The following TRIM37 variants were observed in gnomAD, a reference collection of about 807,000 sequenced individuals.
TRIM37 encodes the protein tripartite motif containing 37.
In TRIM37, 80 loss-of-function variants were observed where a neutral mutation model predicts 129.8. The ratio of observed to expected loss-of-function variants is 0.62; its 90% CI spans 0.51 to 0.74. The LOEUF is 0.74. Among genes scored for constraint, TRIM37 ranks in the 30% least tolerant of loss-of-function variants. The pLI is 0.00. For missense variants in TRIM37, 1,054 were observed against 1,176.5 expected (o/e 0.90, Z 1.52); for synonymous variants, 389 against 387.1 (o/e 1.00, Z -0.06).
chr17:58,997,127 G>A (rs147618122), downstream of TRIM37, among the ~76,000 whole-genome samples: 159 of 152,228 alleles, frequency 1.0e-3, no homozygotes, highest in Middle Eastern at 3.4e-3. Flanking sequence ...TAACTGGTGC[G>A]ATCTGAACAA....
chr17:59,054,083 C>T (rs1463540088), intron 13 of TRIM37, among the ~76,000 whole-genome samples: 1 of 152,114 alleles, frequency 6.6e-6, no homozygotes, highest in Non-Finnish European at 1.5e-5. Context: ...CCAGTATGCT[C>T]AAGAACAAAG....
chr17:59,026,481 C>T (rs925301579), intron 19 of TRIM37, among the ~76,000 whole-genome samples: 1 of 152,138 alleles, frequency 6.6e-6, no homozygotes, highest in African/African-American at 2.4e-5. Flanking sequence ...GCAACCCACA[C>T]ACTGGGAGAA....
chr17:59,056,075 T>G (rs2040839894), intron 13 of TRIM37, among the ~76,000 whole-genome samples: 2 of 152,216 alleles, frequency 1.3e-5, no homozygotes, highest in African/African-American at 4.8e-5. Context: ...TAATATGCAC[T>G]GTGAAGTGAA....
chr17:59,001,754 C>T, intron 22 of TRIM37, 40 bp from the exon 23 acceptor site: 1 of 1,611,064 alleles, frequency 6.2e-7, no homozygotes, highest in Non-Finnish European at 8.5e-7. Context: ...GAAAAGAAAC[C>T]ACTGTAAGTA....
At chr17:59,089,864 T>A (rs917783537) in intron 3 of TRIM37, among the ~76,000 whole-genome samples, 2 of 151,264 alleles carry the variant, frequency 1.3e-5, no homozygotes, top group African/African-American at 2.4e-5. Flanking sequence ...CTTCGGGAGG[T>A]CAAGGTGGTA....
intron 24 of TRIM37, among the ~76,000 whole-genome samples, chr17:58,992,322 A>AATATATAT (rs35222079): frequency 7.3e-6 from 1 of 137,792 alleles, no homozygotes; most frequent in Admixed American, 7.6e-5. Context: ...TACATATGTA[A>AATATATAT]ATATATATAT....
intron 23 of TRIM37, among the ~76,000 whole-genome samples, chr17:59,000,918 G>A (rs774499213): frequency 1.3e-5 from 2 of 152,034 alleles, no homozygotes; most frequent in Non-Finnish European, 2.9e-5. Context: ...CTTTGGGCTG[G>A]GCACGGTGGC....
rs79927824 is a variant in TRIM37 at position 59,025,436 on chromosome 17, A to G, written c.2257+2979T>C. ...TGTCATGAATGTTAATTATATTATT[A>G]ATATTCATGGATGAATATTATTAAT... On this transcript the variant is annotated intron_variant, in intron 19 of 23. Transcript: ENST00000262294. 4.7e-4 allele frequency among the ~76,000 whole-genome samples: 71 copies of G among 151,634 alleles called. No homozygotes were observed. In the East Asian group the frequency reaches 0.011, roughly 24 times the overall value.
At chr17:59,067,627 T>C (rs71372871) in intron 9 of TRIM37, among the ~76,000 whole-genome samples, 7 of 152,160 alleles carry the variant, frequency 4.6e-5, no homozygotes, top group African/African-American at 1.4e-4. Context: ...TATACTATTG[T>C]ATCTTTTATT....
chr17:59,040,069 A>AT (rs1958880155), intron 17 of TRIM37, among the ~76,000 whole-genome samples: 1 of 151,730 alleles, frequency 6.6e-6, no homozygotes, highest in Non-Finnish European at 1.5e-5. Flanking sequence ...CATCTGGCTA[A>AT]TTTTTTTGTA....
intron 8 of TRIM37, among the ~76,000 whole-genome samples, chr17:59,075,182 T>C (rs2042698223): frequency 6.6e-6 from 1 of 152,146 alleles, no homozygotes; most frequent in Non-Finnish European, 1.5e-5. Flanking sequence ...TGATTCCTAA[T>C]TTCATAAAAA....
At chr17:58,972,035 G>A in the TRIM37 span, 3 of 1,171,778 alleles carry the variant, frequency 2.6e-6, no homozygotes, top group Non-Finnish European at 3.6e-6. Context: ...TAATAGTATA[G>A]CTCCCAGCTG....
chr17:59,062,641 G>C lies in TRIM37; in HGVS notation c.868C>G (p.Arg290Gly), dbSNP rs757889738. 1 of 1,613,722 alleles carries C rather than the reference G, an allele frequency of 6.2e-7. No homozygotes were observed. Among genetic ancestry groups the C allele is most frequent in the East Asian group, 2.2e-5 (1 of 44,858 alleles). ...CTGTAAACAGGATCTGCTCTCTGAC[G>C]CAAAGTGCTAACGAAAAAGAAAACC... is the stretch of plus-strand genomic sequence containing the variant. ...TFVLENFSTL[R>G]QRADPVYSPP... Residue 290 changes from arginine (R) to glycine (G), a missense_variant, in exon 11 of 24, where the codon CGT (arginine) becomes GGT (glycine). Arg to Gly is a moderately radical substitution (Grantham distance 125, BLOSUM62 -2). This residue lies in a region of TRIM37 where 752 missense variants were observed against 870.8 expected (regional missense o/e 0.86). Coordinates refer to ENST00000262294, the MANE Select transcript of TRIM37 (RefSeq NM_015294.6).
chr17:59,099,645 G>T (rs2045269463), intron 2 of TRIM37, among the ~76,000 whole-genome samples: 1 of 152,060 alleles, frequency 6.6e-6, no homozygotes, highest in Non-Finnish European at 1.5e-5. Context: ...ACTCAACAGA[G>T]AAACGCTAAC....
chr17:59,048,604 T>TC (rs1280353749), intron 15 of TRIM37, among the ~76,000 whole-genome samples: 1 of 152,142 alleles, frequency 6.6e-6, no homozygotes, highest in Non-Finnish European at 1.5e-5. Flanking sequence ...CTTTTTTTTT[T>TC]CTTTTTCTTT....
chr17:58,996,507 C>T (rs149656998), downstream of TRIM37, among the ~76,000 whole-genome samples: 9 of 150,218 alleles, frequency 6.0e-5, no homozygotes, highest in Admixed American at 2.7e-4. Context: ...AGGCCAGCAT[C>T]GCACCTGCAA....
At position 59,028,402 on chromosome 17, in the gene TRIM37, A is replaced by C; in HGVS notation, c.2257+13T>G. 2 of 1,608,564 alleles carry C rather than the reference A, an allele frequency of 1.2e-6. No homozygotes were observed. The highest frequency in any genetic ancestry group is 2.2e-5 in the South Asian group (2 of 91,028). On this transcript the variant is annotated intron_variant, in intron 19 of 23. Coordinates refer to ENST00000262294, the MANE Select transcript of TRIM37 (RefSeq NM_015294.6). ...AACGTGTGGAGAAATGACACTGGGA[A>C]CATATTACTTACAGTTTCGTATGTA...
chr17:59,063,559 C>A (rs1009825214), intron 10 of TRIM37, among the ~76,000 whole-genome samples: 3 of 152,200 alleles, frequency 2.0e-5, no homozygotes, highest in Non-Finnish European at 4.4e-5. Context: ...TTTCCACTTC[C>A]ATGCTGCCCT....
chr17:59,055,801 A>G (rs2040814808), intron 13 of TRIM37, among the ~76,000 whole-genome samples: 1 of 151,872 alleles, frequency 6.6e-6, no homozygotes, highest in South Asian at 2.1e-4. Context: ...GAGGGAGAGG[A>G]TAAGAAAAAA....
Sources: gnomAD v4.1 joint callset for allele counts (sites outside exome capture counted in the v4.1 genomes callset) on GRCh38, gnomAD v4.1.1 for gene constraint, gnomAD v4.1.1 regional missense constraint, MANE v1.5 for transcripts, NCBI Gene and HGNC (gene_info 2026-07-23, HGNC 2026-07-21) for gene names.